NPSR1: variants seen among roughly 807,000 people sequenced by gnomAD.
The protein encoded by NPSR1 is neuropeptide S receptor.
NPSR1 carries 48 observed loss-of-function variants against 46.9 expected under a neutral mutation model. That is an observed-to-expected ratio of 1.02 (90% CI 0.81 to 1.30). The LOEUF is 1.30. Ranked by LOEUF, NPSR1 falls within the 50% of genes most tolerant of loss-of-function variation. NPSR1 has a pLI of 0.00. For synonymous variants in NPSR1, 176 were observed against 168.1 expected (o/e 1.05, Z -0.36); for missense variants, 450 against 449.5 (o/e 1.00, Z -0.01).
chr7:34,854,945 T>C (rs1270236480), downstream of NPSR1, among the ~76,000 whole-genome samples: 2 of 152,220 alleles, frequency 1.3e-5, no homozygotes, highest in Non-Finnish European at 2.9e-5. Context: ...CTAGTTTTTC[T>C]GATCATGTTA....
chr7:34,868,219 GAGTT>G (rs1212946806), intron 8 of NPSR1, among the ~76,000 whole-genome samples: 1 of 151,656 alleles, frequency 6.6e-6, no homozygotes, highest in Non-Finnish European at 1.5e-5. Flanking sequence ...CCAAAAGTGA[GAGTT>G]AGGAAGGGTC....
At chr7:34,732,719 G>A (rs1242863906) in intron 2 of NPSR1, among the ~76,000 whole-genome samples, 2 of 152,150 alleles carry the variant, frequency 1.3e-5, no homozygotes, top group African/African-American at 4.8e-5. Flanking sequence ...TGCTTGAAAG[G>A]TAGGGTGTAT....
chr7:34,798,581 T>C (rs1788307331), intron 3 of NPSR1, among the ~76,000 whole-genome samples: 1 of 152,160 alleles, frequency 6.6e-6, no homozygotes, highest in South Asian at 2.1e-4. Context: ...ACAATTTAAC[T>C]GAACAGCTAT....
At chr7:34,795,541 C>A (rs987879099) in intron 3 of NPSR1, among the ~76,000 whole-genome samples, 2 of 152,054 alleles carry the variant, frequency 1.3e-5, no homozygotes, top group African/African-American at 4.8e-5. Flanking sequence ...TCTCCCAGAA[C>A]TAATAGGCAA....
intron 3 of NPSR1, among the ~76,000 whole-genome samples, chr7:34,791,633 G>T (rs1054183561): frequency 2.6e-5 from 4 of 151,770 alleles, no homozygotes; most frequent in African/African-American, 9.7e-5. Context: ...ATAAATCAAA[G>T]CTATCTACAG....
At position 34,809,943 on chromosome 7, in the gene NPSR1, C is replaced by T. The variant is rs555888595; in HGVS notation, c.385-1827C>T. On this transcript the variant is annotated intron_variant, in intron 3 of 8. Coordinates refer to ENST00000360581, the MANE Select transcript of NPSR1 (RefSeq NM_207172.2). The stretch of plus-strand genomic sequence containing the variant: ...ATAATGCCCTCCATCCATGTCCATC[C>T]ATGTCCCTGCAAAGCACATTATCTC... 2.0e-5 allele frequency among the ~76,000 whole-genome samples: 3 copies of T among 152,252 alleles called. No homozygotes were observed. The East Asian group carries it at 5.8e-4, about 29-fold the overall frequency.
At chr7:34,773,577 G>T (rs1480986835) in intron 2 of NPSR1, among the ~76,000 whole-genome samples, 1 of 152,202 alleles carries the variant, frequency 6.6e-6, no homozygotes, top group Non-Finnish European at 1.5e-5. Flanking sequence ...AACCAATGTA[G>T]TCAACTTGCC....
intron 8 of NPSR1, among the ~76,000 whole-genome samples, chr7:34,869,127 C>A (rs962936050): frequency 1.3e-5 from 2 of 151,852 alleles, no homozygotes; most frequent in African/African-American, 4.9e-5. Context: ...ACTGGCAGAA[C>A]GAATGTCTAC....
chr7:34,723,365 C>T (rs2128708980), intron 2 of NPSR1: 1 of 152,630 alleles, frequency 6.6e-6, no homozygotes, highest in Non-Finnish European at 1.5e-5. Flanking sequence ...CAAAGACCTG[C>T]TTCAAAATAC....
chr7:34,704,727 A>T (rs1794014194), intron 2 of NPSR1, among the ~76,000 whole-genome samples: 1 of 152,198 alleles, frequency 6.6e-6, no homozygotes, highest in East Asian at 1.9e-4. Flanking sequence ...GGTCTCAGCT[A>T]TGCCCTGATT....
intron 2 of NPSR1, among the ~76,000 whole-genome samples, chr7:34,707,657 A>C (rs190937801): frequency 2.1e-4 from 32 of 152,296 alleles, no homozygotes; most frequent in African/African-American, 7.2e-4. Flanking sequence ...AAAAAGGATA[A>C]TTTTGCTTTC....
chr7:34,827,616 A>C lies in NPSR1; in HGVS notation c.680+14A>C, dbSNP rs755189030. 1 of 699,594 alleles carries C rather than the reference A, an allele frequency of 1.4e-6. No individual in the cohort carries two copies. The highest frequency in any genetic ancestry group is 2.3e-6 in the Non-Finnish European group (1 of 426,750). The allele number at this position is 699,594 out of a possible 1,614,324, so 43.3% of individuals were successfully genotyped here. On this transcript the variant is annotated intron_variant, in intron 5 of 8. Transcript: ENST00000360581. ...GACAATCATCAGGTAAGAAGCCGTCAGGACAGGACCACACGGGGGGGTGGG... is the reference window on the plus strand; with the variant it reads ...GACAATCATCAGGTAAGAAGCCGTCCGGACAGGACCACACGGGGGGGTGGG...
intron 2 of NPSR1, among the ~76,000 whole-genome samples, chr7:34,696,649 ATAAT>A (rs2128693227): frequency 6.6e-6 from 1 of 152,198 alleles, no homozygotes; most frequent in African/African-American, 2.4e-5. Context: ...TCCAAAGAAA[ATAAT>A]TAGATTGAAG....
chr7:34,690,655 T>A (rs13246143), intron 2 of NPSR1, among the ~76,000 whole-genome samples: 8 of 152,050 alleles, frequency 5.3e-5, no homozygotes, highest in African/African-American at 1.9e-4. Flanking sequence ...AGACATCTTT[T>A]GAATTAAACC....
intron 2 of NPSR1, among the ~76,000 whole-genome samples, chr7:34,702,222 A>G (rs1249585566): frequency 1.3e-5 from 2 of 152,218 alleles, no homozygotes; most frequent in African/African-American, 2.4e-5. Context: ...GAAGGGAGGA[A>G]GGACAGAGGG....
intron 2 of NPSR1, among the ~76,000 whole-genome samples, chr7:34,691,454 C>T (rs908089621): frequency 2.0e-5 from 3 of 152,054 alleles, no homozygotes; most frequent in African/African-American, 4.8e-5. Context: ...CAACTATCTG[C>T]TACCTACAAG....
At position 34,864,374 on chromosome 7, in the gene NPSR1, T is replaced by TA. The variant is rs11339185; in HGVS notation, c.1026-13692dup. Among the ~76,000 whole-genome samples the TA allele has an allele frequency of 1.0e-3, 134 of 129,216 alleles. 2 individuals carry two copies. Among genetic ancestry groups the TA allele is most frequent in the African/African-American group, 3.7e-3 (125 of 33,652 alleles). 84.8% of individuals were successfully genotyped at this position (129,216 alleles called of 152,430 possible). A position where few individuals can be genotyped will look rare whatever the true frequency, so the allele number is the denominator to read the frequency against. On this transcript the variant is annotated intron_variant, in intron 8 of 8. Coordinates refer to the NPSR1 transcript ENST00000359791. Reference sequence around the variant, plus strand: ...TATCCCAGAACTTAAAGTATAATAATAAAAAAAAAAGAAAAAAAAAAGACA... The same window carrying TA: ...TATCCCAGAACTTAAAGTATAATAATAAAAAAAAAAAGAAAAAAAAAAGACA...
intron 2 of NPSR1, among the ~76,000 whole-genome samples, chr7:34,703,088 G>T (rs1450549569): frequency 1.3e-5 from 2 of 152,174 alleles, no homozygotes; most frequent in African/African-American, 2.4e-5. Context: ...GGCCAGGCGC[G>T]GTGGCTCATG....
rs561666608 is a variant in NPSR1, at chr7:34,844,203, C to T, written c.758-693C>T. ...CTTATCTCTTTGTTTTACCACTGCT[C>T]GACTAATGAGACGTGGTTATTGATT... On this transcript the variant is annotated intron_variant, in intron 6 of 8. Transcript: ENST00000360581. Among the ~76,000 whole-genome samples, 7 of 152,312 alleles carry T rather than the reference C, an allele frequency of 4.6e-5. No individual in the cohort carries two copies. The East Asian group carries it at 9.6e-4, about 21-fold the overall frequency.
Sources: gnomAD v4.1 joint callset for allele counts (sites outside exome capture counted in the v4.1 genomes callset) on GRCh38, gnomAD v4.1.1 for gene constraint, MANE v1.5 for transcripts, NCBI Gene and HGNC (gene_info 2026-07-23, HGNC 2026-07-21) for gene names.